The following FGF17 variants were observed in gnomAD, a reference collection of about 807,000 sequenced individuals.
FGF17 encodes fibroblast growth factor 17.
In FGF17, 5 loss-of-function variants were observed where a neutral mutation model predicts 23.5. The observed-to-expected ratio is 0.21, with a 90% CI of 0.11 to 0.45. The LOEUF (loss-of-function observed/expected upper bound fraction) is 0.45. FGF17 is among the 20% of genes least tolerant of loss of function. The probability of loss-of-function intolerance (pLI) is 0.99; values close to 1 mark genes in which losing one functional copy is unlikely to be tolerated. For synonymous variants in FGF17, 136 were observed against 123.0 expected (o/e 1.11, Z -0.70); for missense variants, 221 against 306.9 (o/e 0.72, Z 2.09).
chr8:22,043,052 GCA>G lies in FGF17; in HGVS notation c.35+91_36-90del, dbSNP rs1800768038. The G allele has an allele frequency of 6.9e-6, 11 of 1,600,886 alleles. No individual in the cohort carries two copies. The Admixed American group carries it at 1.9e-4, about 27-fold the overall frequency. ...CTTCCCGGGACTCCCACGCGTGCGT[GCA>G]CGGGGCTGGCAGGGCGGGGGCGGGG... On this transcript the variant is annotated intron_variant, in intron 1 of 4. Transcript: ENST00000359441.
At chr8:22,043,065 A>G (rs1800768496) in intron 1 of FGF17, 80 bp from the exon 2 acceptor site, 2 of 1,590,832 alleles carry the variant, frequency 1.3e-6, no homozygotes, top group Non-Finnish European at 8.6e-7. Flanking sequence ...CGGGGCTGGC[A>G]GGGCGGGGGC....
In FGF17 at chr8:22,045,792, C is replaced by A; in HGVS notation, c.73-322C>A. 3.9e-6 allele frequency: 5 copies of A among 1,265,924 alleles called. No homozygotes were observed. In the South Asian group the frequency reaches 8.0e-5, roughly 20 times the overall value. The allele number at this position is 1,265,924 out of a possible 1,614,324, so 78.4% of individuals were successfully genotyped here. A position where few individuals can be genotyped will look rare whatever the true frequency, so the allele number is the denominator to read the frequency against. ...ATGAGCTGTGTGCCCCGTGCACCTC[C>A]TTCATAGAATACGAGGACGGGATAG... On this transcript the variant is annotated intron_variant, in intron 2 of 4. Coordinates refer to ENST00000359441, the MANE Select transcript of FGF17 (RefSeq NM_003867.4).
upstream of FGF17, among the ~76,000 whole-genome samples, chr8:22,039,908 C>T (rs1348131794): frequency 1.3e-5 from 2 of 152,004 alleles, no homozygotes; most frequent in East Asian, 3.9e-4. Context: ...TTTGCACCAG[C>T]TGGGCTGTTA....
intron 2 of FGF17, chr8:22,045,145 G>A: frequency 1.0e-6 from 1 of 985,512 alleles, no homozygotes; most frequent in South Asian, 4.7e-5. Flanking sequence ...TGGGTAACGA[G>A]AGACCTAGCT....
chr8:22,044,913 G>A lies in FGF17; in HGVS notation c.73-1201G>A, dbSNP rs935935034. 6 of 985,528 alleles carry A rather than the reference G, an allele frequency of 6.1e-6. No individual in the cohort carries two copies. In the African/African-American group the frequency reaches 8.7e-5, roughly 14 times the overall value. The allele number at this position is 985,528 out of a possible 1,614,324, so 61.0% of individuals were successfully genotyped here. A position where few individuals can be genotyped will look rare whatever the true frequency, so the allele number is the denominator to read the frequency against. Reference sequence around the variant, plus strand: ...GTCTAGCTCTGTCCAGATGGCTGAGGTTGGGCCTGGGATAAAGGTGGAATT... The same window carrying A: ...GTCTAGCTCTGTCCAGATGGCTGAGATTGGGCCTGGGATAAAGGTGGAATT... On this transcript the variant is annotated intron_variant, in intron 2 of 4. Coordinates refer to ENST00000359441, the MANE Select transcript of FGF17 (RefSeq NM_003867.4).
At chr8:22,045,059 A>G in intron 2 of FGF17, 7 of 985,562 alleles carry the variant, frequency 7.1e-6, no homozygotes, top group Non-Finnish European at 8.4e-6. Context: ...GCCAGGAGCC[A>G]GGAAACCTAG....
chr8:22,041,848 G>T (rs3176257), upstream of FGF17, among the ~76,000 whole-genome samples: 1,751 of 152,326 alleles, frequency 0.011, 47 homozygotes, highest in African/African-American at 0.039. Context: ...AGCAGTATGA[G>T]ACCGGAGGTC....
At chr8:22,042,649 A>T (rs1226857936), upstream of FGF17, 3 of 594,976 alleles carry the variant, frequency 5.0e-6, no homozygotes, top group African/African-American at 5.6e-5. Context: ...CTGGCAGCCC[A>T]GAGGGCACAG....
At chr8:22,043,542 G>C (rs939175109) in intron 2 of FGF17, among the ~76,000 whole-genome samples, 1 of 152,214 alleles carries the variant, frequency 6.6e-6, no homozygotes. Flanking sequence ...TGAAAGGACA[G>C]GTTTTGATGC....
chr8:22,040,480 C>T (rs1585530581), upstream of FGF17, among the ~76,000 whole-genome samples: 1 of 152,352 alleles, frequency 6.6e-6, no homozygotes, highest in South Asian at 2.1e-4. Flanking sequence ...GACAAGGAGC[C>T]ACAGCTGTCT....
intron 2 of FGF17, chr8:22,045,017 AG>A: frequency 1.0e-6 from 1 of 985,612 alleles, no homozygotes; most frequent in Non-Finnish European, 1.2e-6. Context: ...CCAGCAAAAA[AG>A]GTACATTCTC....
Position 22,048,324 on chromosome 8 carries a change from G to T in FGF17, c.*75G>T. 1 of 1,305,442 alleles carries T rather than the reference G, an allele frequency of 7.7e-7. No homozygotes were observed. The highest frequency in any genetic ancestry group is 1.5e-5 in the South Asian group (1 of 67,898). 80.9% of individuals were successfully genotyped at this position (1,305,442 alleles called of 1,614,324 possible). On this transcript the variant is annotated 3_prime_UTR_variant, in exon 5 of 5. Transcript: ENST00000359441. This position sits in a 1 kb window ranked among gnomAD's most constrained non-coding sequence, Gnocchi z 6.9. The stretch of plus-strand genomic sequence containing the variant: ...CCTTCTTAATCCAAGGACTGGGCTG[G>T]GGTGGCGGGAGGGGAGCCAGATCCC...
At chr8:22,043,107 G>T in intron 1 of FGF17, 38 bp from the exon 2 acceptor site, 1 of 1,611,608 alleles carries the variant, frequency 6.2e-7, no homozygotes. Context: ...GCTTGCAGCT[G>T]GCACCCACAC....
At chr8:22,044,210 G>A (rs1044859505) in intron 2 of FGF17, among the ~76,000 whole-genome samples, 7 of 152,126 alleles carry the variant, frequency 4.6e-5, no homozygotes, top group Non-Finnish European at 8.8e-5. Context: ...CCTGGCTGAG[G>A]CCCCATTCAG....
chr8:22,045,953 C>T (rs1800856010), intron 2 of FGF17, 161 bp from the exon 3 acceptor site: 2 of 1,537,196 alleles, frequency 1.3e-6, no homozygotes, highest in African/African-American at 1.4e-5. Context: ...GACCGGCTCA[C>T]CCAGGGGCCT....
At chr8:22,045,751 A>G in intron 2 of FGF17, 1 of 1,184,126 alleles carries the variant, frequency 8.4e-7, no homozygotes, top group South Asian at 1.8e-5. Context: ...AGGTAGGGAC[A>G]GGGGTTCTGT....
Position 22,046,580 on chromosome 8 carries a change from G to A in FGF17, c.304G>A (p.Ala102Thr), listed in dbSNP as rs1800873217. 6.2e-7 allele frequency: 1 copy of A among 1,613,974 alleles called. No homozygotes were observed. Among genetic ancestry groups the A allele is most frequent in the South Asian group, 1.1e-5 (1 of 91,076 alleles). Reference protein sequence around the residue: ...TFGSRVRIKGAESEKYICMNK... With the variant: ...TFGSRVRIKGTESEKYICMNK... ...TGGCAGCCGGGTTCGCATCAAAGGG[G>A]CTGAGAGTGAGAAGTACATCTGTAT... The change falls in exon 4 of 5, where the codon GCT becomes ACT. Residue 102 changes from alanine to threonine, a missense_variant. Transcript: ENST00000359441.
In FGF17 at chr8:22,045,147, G is replaced by T. The variant is rs1800836946; in HGVS notation, c.73-967G>T. The T allele has an allele frequency of 3.0e-6, 3 of 985,384 alleles. No homozygotes were observed. The South Asian group carries it at 1.4e-4, about 46-fold the overall frequency. The allele number at this position is 985,384 out of a possible 1,614,324, so 61.0% of individuals were successfully genotyped here. ...TCAGCCTTACAGATGGGTAACGAGAGACCTAGCTGGGAGGCGGTACTCCTC... is the reference window on the plus strand; with the variant it reads ...TCAGCCTTACAGATGGGTAACGAGATACCTAGCTGGGAGGCGGTACTCCTC... On this transcript the variant is annotated intron_variant, in intron 2 of 4. Transcript: ENST00000359441.
At chr8:22,047,441 C>T (rs565591122) in intron 4 of FGF17, among the ~76,000 whole-genome samples, 17 of 152,198 alleles carry the variant, frequency 1.1e-4, no homozygotes, top group Non-Finnish European at 1.9e-4. Context: ...GCTTCCCATT[C>T]GGCTGTCGCT....
Sources: allele counts gnomAD v4.1 joint callset (sites outside exome capture counted in the v4.1 genomes callset), GRCh38; gene constraint gnomAD v4.1.1; non-coding constraint Gnocchi (gnomAD v3.1); transcripts MANE v1.5; gene names NCBI Gene and HGNC (gene_info 2026-07-23, HGNC 2026-07-21).